Variants in STXBP5L observed in about 807,000 individuals in gnomAD.
The protein encoded by STXBP5L is syntaxin binding protein 5L.
Under a neutral mutation model 144.5 loss-of-function variants are expected in STXBP5L, and 65 were observed. The observed-to-expected ratio is 0.45, with a 90% confidence interval of 0.37 to 0.55. The LOEUF (loss-of-function observed/expected upper bound fraction) is 0.55. Among genes scored for constraint, STXBP5L ranks in the 20% least tolerant of loss-of-function variants. The pLI is 0.00. For missense variants in STXBP5L, 1,298 were observed against 1,405.5 expected (o/e 0.92, Z 1.22); for synonymous variants, 505 against 469.6 (o/e 1.08, Z -0.97).
chr3:121,338,293 G>A (rs1382734899), intron 20 of STXBP5L, among the ~76,000 whole-genome samples: 1 of 151,958 alleles, frequency 6.6e-6, no homozygotes, highest in Non-Finnish European at 1.5e-5. Context: ...AAATAAAATT[G>A]GTAGACTATT....
chr3:121,300,121 A>C (rs1182384464), intron 19 of STXBP5L, among the ~76,000 whole-genome samples: 1 of 152,176 alleles, frequency 6.6e-6, no homozygotes, highest in Admixed American at 6.5e-5. Context: ...ATGAATAATG[A>C]GTGATTTTTT....
intron 22 of STXBP5L, among the ~76,000 whole-genome samples, chr3:121,392,770 C>CATATATATATATATAT (rs71133531): frequency 1.8e-5 from 2 of 112,374 alleles, no homozygotes; most frequent in African/African-American, 3.6e-5. Context: ...TATTTCATGG[C>CATATATATATATATAT]ATATATATAT....
intron 20 of STXBP5L, among the ~76,000 whole-genome samples, chr3:121,374,144 C>T (rs761417769): frequency 2.6e-5 from 4 of 152,102 alleles, no homozygotes; most frequent in Non-Finnish European, 5.9e-5. Context: ...CTTACCACAG[C>T]CTCCAAAAAC....
chr3:121,301,356 T>C (rs1027593490), intron 19 of STXBP5L, among the ~76,000 whole-genome samples: 11 of 152,192 alleles, frequency 7.2e-5, no homozygotes, highest in African/African-American at 2.4e-4. Flanking sequence ...TGTCTGTTAT[T>C]GGTGTATAAG....
At chr3:120,949,329 G>T (rs1711052880) in intron 2 of STXBP5L, among the ~76,000 whole-genome samples, 2 of 152,010 alleles carry the variant, frequency 1.3e-5, no homozygotes, top group South Asian at 2.1e-4. Context: ...TTTCTCAGAT[G>T]CATAGTTAGT....
At chr3:121,131,984 G>A (rs2045011239) in intron 7 of STXBP5L, among the ~76,000 whole-genome samples, 1 of 152,138 alleles carries the variant, frequency 6.6e-6, no homozygotes. Flanking sequence ...ATATGGTCAA[G>A]GAGAGATTTC....
intron 2 of STXBP5L, chr3:120,924,543 C>A (rs1709511782): frequency 6.6e-6 from 1 of 152,380 alleles, no homozygotes; most frequent in Non-Finnish European, 1.5e-5. Context: ...GAGACAATTA[C>A]AAAGAAGATG....
intron 2 of STXBP5L, among the ~76,000 whole-genome samples, chr3:120,951,866 TG>T (rs1047614813): frequency 1.3e-5 from 2 of 152,170 alleles, no homozygotes; most frequent in Non-Finnish European, 2.9e-5. Flanking sequence ...GTATGTTTAT[TG>T]CGGCACTATT....
intron 5 of STXBP5L, among the ~76,000 whole-genome samples, chr3:121,061,136 G>A (rs914361673): frequency 7.9e-5 from 12 of 152,132 alleles, no homozygotes; most frequent in African/African-American, 2.9e-4. Flanking sequence ...TCTAAACACT[G>A]CTTTAGCTGT....
At chr3:121,303,194 A>C (rs1215914133) in intron 19 of STXBP5L, among the ~76,000 whole-genome samples, 1 of 152,218 alleles carries the variant, frequency 6.6e-6, no homozygotes, top group Non-Finnish European at 1.5e-5. Flanking sequence ...AGAAAAAAAC[A>C]ACCCCATCAA....
chr3:120,960,875 G>A (rs949699929), intron 3 of STXBP5L, among the ~76,000 whole-genome samples: 7 of 151,840 alleles, frequency 4.6e-5, no homozygotes, highest in South Asian at 4.2e-4. Context: ...AAACCTGCAC[G>A]TTGTGCACAT....
intron 9 of STXBP5L, among the ~76,000 whole-genome samples, chr3:121,189,798 T>C (rs1272699283): frequency 6.6e-6 from 1 of 152,156 alleles, no homozygotes; most frequent in Non-Finnish European, 1.5e-5. Flanking sequence ...ATTTGACTCA[T>C]TTTTCCATAA....
At position 121,408,123 on chromosome 3, in the gene STXBP5L, G is replaced by A. The variant is rs930479134; in HGVS notation, c.2948+520G>A. Reference sequence around the variant, plus strand: ...TAATAAAGTTACACAGTTTGCCTGAGGTTGCAAGTCTAGGAAAAGTGAGGC... The same window carrying A: ...TAATAAAGTTACACAGTTTGCCTGAAGTTGCAAGTCTAGGAAAAGTGAGGC... On this transcript the variant is annotated intron_variant, in intron 23 of 26. Transcript: ENST00000471454. 4.0e-5 allele frequency among the ~76,000 whole-genome samples: 6 copies of A among 151,828 alleles called. No individual in the cohort carries two copies. The East Asian group carries it at 9.6e-4, about 24-fold the overall frequency.
chr3:121,372,598 C>T (rs1469347376), intron 20 of STXBP5L, among the ~76,000 whole-genome samples: 1 of 152,148 alleles, frequency 6.6e-6, no homozygotes, highest in African/African-American at 2.4e-5. Flanking sequence ...GGTCAGGGAA[C>T]AAGTCGTGGT....
chr3:121,033,605 T>C (rs1449516544), intron 3 of STXBP5L, among the ~76,000 whole-genome samples: 4 of 150,454 alleles, frequency 2.7e-5, no homozygotes, highest in African/African-American at 9.8e-5. Flanking sequence ...AATAAATAAA[T>C]AAATAAATTC....
intron 3 of STXBP5L, among the ~76,000 whole-genome samples, chr3:121,009,203 T>C (rs116359923): frequency 0.018 from 2,747 of 152,146 alleles, 33 homozygotes; most frequent in South Asian, 0.036. Flanking sequence ...AACTGGGTTT[T>C]TAGTGTCTCT....
Position 121,015,760 on chromosome 3 carries a change from C to T in STXBP5L, c.288-25940C>T, listed in dbSNP as rs1283692541. 2.0e-5 allele frequency among the ~76,000 whole-genome samples: 3 copies of T among 152,100 alleles called. No homozygotes were observed. In the East Asian group the frequency reaches 5.8e-4, roughly 29 times the overall value. ...TCCTGGAAAAAAGGCTTTACTAGAGCCTTATCCAAGGTAGGGGAAGGGCAT... is the reference window on the plus strand; with the variant it reads ...TCCTGGAAAAAAGGCTTTACTAGAGTCTTATCCAAGGTAGGGGAAGGGCAT... On this transcript the variant is annotated intron_variant, in intron 3 of 26. Coordinates refer to ENST00000471454, the MANE Select transcript of STXBP5L (RefSeq NM_001308330.2).
At chr3:121,283,535 T>C (rs952321384) in intron 19 of STXBP5L, among the ~76,000 whole-genome samples, 1 of 152,080 alleles carries the variant, frequency 6.6e-6, no homozygotes, top group African/African-American at 2.4e-5. Context: ...GTGATATTTC[T>C]TGACATCTGA....
At chr3:121,115,760 G>A (rs754875634) in intron 6 of STXBP5L, among the ~76,000 whole-genome samples, 18 of 152,134 alleles carry the variant, frequency 1.2e-4, no homozygotes, top group Non-Finnish European at 1.8e-4. Context: ...AGCTTCCAGG[G>A]AGGCCTCAGG....
Sources: gnomAD v4.1 joint callset for allele counts (sites outside exome capture counted in the v4.1 genomes callset) on GRCh38, gnomAD v4.1.1 for gene constraint, MANE v1.5 for transcripts, NCBI Gene and HGNC (gene_info 2026-07-23, HGNC 2026-07-21) for gene names.